Variants in COL6A5 observed in about 807,000 individuals in gnomAD.
COL6A5 encodes collagen alpha-5(VI) chain.
Under a neutral mutation model 65.6 loss-of-function variants are expected in COL6A5, and 48 were observed. That is an observed-to-expected ratio of 0.73 (90% CI 0.58 to 0.93). The LOEUF (loss-of-function observed/expected upper bound fraction) is 0.93, where lower values mean the gene tolerates loss of function less well. COL6A5 is among the 40% of genes least tolerant of loss of function. COL6A5 has a pLI of 0.00. For missense variants in COL6A5, 914 were observed against 928.3 expected (o/e 0.98, Z 0.20); for synonymous variants, 291 against 322.8 (o/e 0.90, Z 1.05).
intron 4 of COL6A5, among the ~76,000 whole-genome samples, chr3:130,455,091 G>A (rs1206733319): frequency 2.6e-5 from 4 of 151,586 alleles, no homozygotes; most frequent in Non-Finnish European, 5.9e-5. Context: ...AGTGAGCTGT[G>A]ATTGCACCGC....
exon 11 of COL6A5, chr3:130,401,100 G>A (rs1936798946): frequency 5.2e-6 from 8 of 1,551,058 alleles, no homozygotes; most frequent in Non-Finnish European, 6.1e-6. Context: ...TTTGAATTTG[G>A]AAAAAGATTC....
At chr3:130,435,476 G>T (rs1938002731) in intron 1 of COL6A5, among the ~76,000 whole-genome samples, 1 of 152,168 alleles carries the variant, frequency 6.6e-6, no homozygotes, top group Non-Finnish European at 1.5e-5. Flanking sequence ...ATTCTGTGAA[G>T]AATGTCAATG....
chr3:130,409,931 G>A, intron 18 of COL6A5, 78 bp from the exon 19 acceptor site: 1 of 981,480 alleles, frequency 1.0e-6, no homozygotes, highest in Non-Finnish European at 1.6e-6. Flanking sequence ...AATTAGCTTA[G>A]TACTTGAACA....
At chr3:130,408,620 G>A (rs1157866591) in intron 17 of COL6A5, among the ~76,000 whole-genome samples, 11 of 151,872 alleles carry the variant, frequency 7.2e-5, no homozygotes, top group Non-Finnish European at 1.5e-4. Context: ...CTCCCTATTC[G>A]TACACCACTC....
At chr3:130,390,525 C>G (rs1936358130) in intron 6 of COL6A5, among the ~76,000 whole-genome samples, 1 of 152,014 alleles carries the variant, frequency 6.6e-6, no homozygotes, top group African/African-American at 2.4e-5. Context: ...CCAGCCAAAA[C>G]AGTCATTTGT....
chr3:130,427,348 A>G (rs1937625577), upstream of COL6A5, among the ~76,000 whole-genome samples: 1 of 152,146 alleles, frequency 6.6e-6, no homozygotes, highest in Non-Finnish European at 1.5e-5. Context: ...AAGAATGTAA[A>G]AGGGGAAAAT....
chr3:130,456,253 A>G (rs1311560048), intron 5 of COL6A5, among the ~76,000 whole-genome samples: 1 of 152,140 alleles, frequency 6.6e-6, no homozygotes, highest in African/African-American at 2.4e-5. Context: ...CAAAGCAATA[A>G]CTTTTGTAAA....
At chr3:130,358,650 T>A (rs1935006182) in intron 1 of COL6A5, among the ~76,000 whole-genome samples, 1 of 152,294 alleles carries the variant, frequency 6.6e-6, no homozygotes, top group South Asian at 2.1e-4. Flanking sequence ...GTGGAATTTT[T>A]TCCCCCCAAT....
At chr3:130,452,848 G>A (rs1239018697) in intron 4 of COL6A5, among the ~76,000 whole-genome samples, 1 of 152,118 alleles carries the variant, frequency 6.6e-6, no homozygotes, top group East Asian at 1.9e-4. Context: ...ACCCAAGGGG[G>A]CCATTTTAGA....
chr3:130,407,329 T>C (rs78185304), intron 17 of COL6A5, among the ~76,000 whole-genome samples: 1,817 of 152,238 alleles, frequency 0.012, 17 homozygotes, highest in Non-Finnish European at 0.017. Context: ...TAGTGAGCCA[T>C]GTGGAAGAGC....
intron 9 of COL6A5, 27 bp downstream of exon 9, chr3:130,397,950 T>G (rs1282825262): frequency 4.5e-6 from 7 of 1,544,802 alleles, no homozygotes; most frequent in Non-Finnish European, 5.3e-6. Context: ...CTATCTCCCA[T>G]CTCCACATTC....
At chr3:130,466,374 G>A (rs1709815203) in intron 5 of COL6A5, among the ~76,000 whole-genome samples, 1 of 151,792 alleles carries the variant, frequency 6.6e-6, no homozygotes, top group Non-Finnish European at 1.5e-5. Context: ...ATAGTCCATG[G>A]TCAAAGAATA....
chr3:130,447,623 T>A, intron 4 of COL6A5, among the ~76,000 whole-genome samples: 1 of 152,150 alleles, frequency 6.6e-6, no homozygotes, highest in East Asian at 1.9e-4. Context: ...TGTTGTAACC[T>A]TGAAAATAAA....
chr3:130,439,616 G>A lies in COL6A5; in HGVS notation c.581+1G>A, dbSNP rs770733694. 4 of 1,548,372 alleles carry A rather than the reference G, an allele frequency of 2.6e-6. No individual in the cohort carries two copies. Among genetic ancestry groups the A allele is most frequent in the Non-Finnish European group, 3.5e-6 (4 of 1,144,266 alleles). Reference sequence around the variant, plus strand: ...CTTCGGCGCTGTGCACTTTGCTATGGTAAGACCAATGAAGAGAATTGACTG... The same window carrying A: ...CTTCGGCGCTGTGCACTTTGCTATGATAAGACCAATGAAGAGAATTGACTG... On this transcript the variant is annotated splice_donor_variant, in intron 2 of 7. Transcript: ENST00000512836. LOFTEE classifies it high-confidence loss of function.
rs771543982 is a variant in COL6A5, at chr3:130,439,600, T to G, written c.568T>G (p.Cys190Gly). Reference sequence around the variant, plus strand: ...TCAAACATTAGAAAGACTTCGGCGCTGTGCACTTTGCTATGGTAAGACCAA... The same window carrying G: ...TCAAACATTAGAAAGACTTCGGCGCGGTGCACTTTGCTATGGTAAGACCAA... Residue 190 changes from cysteine (C) to glycine (G), a missense_variant, in exon 2 of 8, where the codon TGT becomes GGT. By Grantham distance (159) the Cys-to-Gly change is radical. Transcript: ENST00000512836. 2 of 1,550,790 alleles carry G rather than the reference T, an allele frequency of 1.3e-6. No individual in the cohort carries two copies. The highest frequency in any genetic ancestry group is 2.4e-5 in the South Asian group (2 of 84,038).
exon 6 of COL6A5, chr3:130,468,838 T>C (rs760146786): frequency 2.0e-5 from 33 of 1,611,022 alleles, no homozygotes; most frequent in Middle Eastern, 1.6e-4. Flanking sequence ...ATCATACTTA[T>C]GAACCTGGAG....
At chr3:130,372,477 A>C (rs1178811457) in intron 1 of COL6A5, among the ~76,000 whole-genome samples, 1 of 152,138 alleles carries the variant, frequency 6.6e-6, no homozygotes, top group African/African-American at 2.4e-5. Flanking sequence ...ATACAATGGA[A>C]TATTACTCAG....
In COL6A5 at chr3:130,387,542, A is replaced by G. The variant is rs184220137; in HGVS notation, c.1862-1038A>G. Among the ~76,000 whole-genome samples, 531 of 152,196 alleles carry G rather than the reference A, an allele frequency of 3.5e-3. 2 individuals carry two copies. The highest frequency in any genetic ancestry group is 0.012 in the African/African-American group (512 of 41,564). Reference sequence around the variant, plus strand: ...AATTTCTCCTCTCATGACTTTCAAGATGGTTCCATGGCAGCTTGAATCTTA... The same window carrying G: ...AATTTCTCCTCTCATGACTTTCAAGGTGGTTCCATGGCAGCTTGAATCTTA... On this transcript the variant is annotated intron_variant and NMD_transcript_variant, in intron 5 of 41. Coordinates refer to the COL6A5 transcript ENST00000312481.
intron 1 of COL6A5, among the ~76,000 whole-genome samples, chr3:130,432,792 A>G (rs1382089854): frequency 1.3e-5 from 2 of 152,126 alleles, no homozygotes; most frequent in South Asian, 2.1e-4. Context: ...TTGAACCCCT[A>G]TGGTGGTGCA....
Sources: gnomAD v4.1 joint callset for allele counts (sites outside exome capture counted in the v4.1 genomes callset) on GRCh38, gnomAD v4.1.1 for gene constraint, MANE v1.5 for transcripts, NCBI Gene and HGNC (gene_info 2026-07-23, HGNC 2026-07-21) for gene names.